SLC35F3: variants seen among roughly 807,000 people sequenced by gnomAD.
The protein encoded by SLC35F3 is solute carrier family 35 member F3, also known as putative thiamine transporter SLC35F3.
In SLC35F3, 25 loss-of-function variants were observed where a neutral mutation model predicts 49.9. That is an observed-to-expected ratio of 0.50 (90% CI 0.37 to 0.70). SLC35F3 has a LOEUF of 0.70. Ranked by LOEUF, SLC35F3 falls within the 30% of genes least tolerant of loss-of-function variation. The pLI, the probability that SLC35F3 is intolerant of heterozygous loss-of-function variation, is 0.00. For missense variants in SLC35F3, 525 were observed against 639.8 expected, an observed-to-expected ratio of 0.82 and a Z score of 1.94; for synonymous variants, 275 against 265.4, an observed-to-expected ratio of 1.04 and a Z score of -0.35.
rs79381077 is a variant in SLC35F3, at chr1:234,060,446, T to G, written c.283+154688T>G. 3.5e-3 allele frequency among the ~76,000 whole-genome samples: 527 copies of G among 152,208 alleles called. 2 individuals carry two copies. The highest frequency in any genetic ancestry group is 4.0e-3 in the Non-Finnish European group (272 of 68,002). On this transcript the variant is annotated intron_variant, in intron 2 of 7. Coordinates refer to ENST00000366618, the MANE Select transcript of SLC35F3 (RefSeq NM_173508.4). ...AGGAATGTTACTCCTATTTATGTAT[T>G]TATTTATTTATTTATTTTGAGACAG...
chr1:234,143,428 A>G (rs1167592036), intron 2 of SLC35F3, among the ~76,000 whole-genome samples: 1 of 151,786 alleles, frequency 6.6e-6, no homozygotes, highest in Non-Finnish European at 1.5e-5. Flanking sequence ...AGCTGGGATT[A>G]TAGGTGCACA....
chr1:234,076,839 GAGAGAGCC>G (rs1435457536), intron 2 of SLC35F3, among the ~76,000 whole-genome samples: 1 of 152,152 alleles, frequency 6.6e-6, no homozygotes, highest in African/African-American at 2.4e-5. Flanking sequence ...CACCCAAGGG[GAGAGAGCC>G]TGGCAGGGGT....
chr1:234,155,791 A>AC (rs1353498435), intron 2 of SLC35F3, among the ~76,000 whole-genome samples: 1 of 151,452 alleles, frequency 6.6e-6, no homozygotes, highest in Non-Finnish European at 1.5e-5. Flanking sequence ...CCAAAAAAAA[A>AC]ACCCCAAAAA....
At chr1:233,905,481 C>A in intron 1 of SLC35F3, 48 bp from the exon 2 acceptor site, 1 of 1,386,610 alleles carries the variant, frequency 7.2e-7, no homozygotes, top group Non-Finnish European at 1.0e-6. Context: ...TCCTCTCTGT[C>A]CATGCTCCCC....
At chr1:234,073,927 GTTAAGTGTCTTTATATTGTGTATCATTGT>G (rs1572041615) in intron 2 of SLC35F3, among the ~76,000 whole-genome samples, 1 of 152,130 alleles carries the variant, frequency 6.6e-6, no homozygotes, top group Admixed American at 6.5e-5. Flanking sequence ...ATTCGATCGT[GTTAAGTGTCTTTATATTGTGTATCATTGT>G]CCAAGCTTTA....
chr1:234,174,603 T>C (rs1666448007), intron 2 of SLC35F3, among the ~76,000 whole-genome samples: 1 of 152,200 alleles, frequency 6.6e-6, no homozygotes, highest in South Asian at 2.1e-4. Flanking sequence ...TAGCAGATGC[T>C]GAAACAGGTT....
At chr1:234,156,745 C>A (rs767534754) in intron 2 of SLC35F3, among the ~76,000 whole-genome samples, 6 of 151,848 alleles carry the variant, frequency 4.0e-5, no homozygotes, top group Admixed American at 1.3e-4. Flanking sequence ...AATAAATAAA[C>A]AAAATGTGAT....
intron 2 of SLC35F3, among the ~76,000 whole-genome samples, chr1:234,163,816 A>G (rs1424831086): frequency 6.6e-6 from 1 of 152,104 alleles, no homozygotes; most frequent in Non-Finnish European, 1.5e-5. Flanking sequence ...CAGATCTGCC[A>G]TGCCCTCCTC....
intron 2 of SLC35F3, among the ~76,000 whole-genome samples, chr1:234,039,990 CT>C (rs35119086): frequency 0.14 from 21,467 of 152,184 alleles, 4,329 homozygotes; most frequent in African/African-American, 0.45. Context: ...GTTTGACAGC[CT>C]TTTTTGGGTA....
intron 2 of SLC35F3, among the ~76,000 whole-genome samples, chr1:234,131,730 C>T (rs1203927472): frequency 3.3e-5 from 5 of 152,162 alleles, no homozygotes; most frequent in African/African-American, 1.2e-4. Context: ...TGTCTTTCTC[C>T]TGATTGGAGT....
At chr1:233,995,854 C>T (rs944250480) in intron 2 of SLC35F3, among the ~76,000 whole-genome samples, 2 of 152,194 alleles carry the variant, frequency 1.3e-5, no homozygotes, top group Non-Finnish European at 2.9e-5. Flanking sequence ...CTAAATCAAA[C>T]ATCTGCAGCC....
At chr1:234,128,790 T>C (rs1209158877) in intron 2 of SLC35F3, among the ~76,000 whole-genome samples, 1 of 152,228 alleles carries the variant, frequency 6.6e-6, no homozygotes, top group East Asian at 1.9e-4. Context: ...GCTTAAATTT[T>C]AAATGTCTGG....
chr1:234,151,222 TC>T (rs1666071784), intron 2 of SLC35F3, among the ~76,000 whole-genome samples: 1 of 147,558 alleles, frequency 6.8e-6, no homozygotes, highest in African/African-American at 2.5e-5. Flanking sequence ...AGCCAGGAAA[TC>T]CCAGAAAGCA....
chr1:234,202,861 C>CA (rs1489321596), intron 2 of SLC35F3, among the ~76,000 whole-genome samples: 5 of 152,218 alleles, frequency 3.3e-5, no homozygotes, highest in African/African-American at 1.2e-4. Context: ...AATGAGGCTG[C>CA]AGCAAAGACA....
At chr1:234,268,501 ATGGT>A in intron 3 of SLC35F3, 1 of 152,474 alleles carries the variant, frequency 6.6e-6, no homozygotes, top group South Asian at 2.1e-4. Context: ...GAGAAAGCAC[ATGGT>A]TATATACTTA....
chr1:234,248,622 A>G (rs1203116682), intron 3 of SLC35F3, among the ~76,000 whole-genome samples: 4 of 152,166 alleles, frequency 2.6e-5, no homozygotes, highest in Admixed American at 6.5e-5. Context: ...AAAACATCAC[A>G]TAAAGAAATG....
At chr1:234,099,840 A>T (rs963879449) in intron 2 of SLC35F3, among the ~76,000 whole-genome samples, 3 of 152,182 alleles carry the variant, frequency 2.0e-5, no homozygotes, top group African/African-American at 7.2e-5. Flanking sequence ...AAATGAAAAC[A>T]TTCTACACTT....
At chr1:234,316,474 C>T (rs1243357747) in intron 4 of SLC35F3, 128 bp from the exon 5 acceptor site, 2 of 1,287,452 alleles carry the variant, frequency 1.6e-6, no homozygotes, top group African/African-American at 3.0e-5. Context: ...CAAGGAGGAA[C>T]AAAAAGGAGA....
At chr1:234,104,635 A>G (rs962738306) in intron 2 of SLC35F3, among the ~76,000 whole-genome samples, 2 of 152,250 alleles carry the variant, frequency 1.3e-5, no homozygotes, top group Non-Finnish European at 2.9e-5. Context: ...AGCTAAAGAT[A>G]TAGTTGTACC....
Sources: gnomAD v4.1 joint callset for allele counts (sites outside exome capture counted in the v4.1 genomes callset) on GRCh38, gnomAD v4.1.1 for gene constraint, MANE v1.5 for transcripts, NCBI Gene and HGNC (gene_info 2026-07-23, HGNC 2026-07-21) for gene names.